XRN1: variants seen among roughly 807,000 people sequenced by gnomAD.
The protein encoded by XRN1 is 5'-3' exoribonuclease 1.
In XRN1, 67 loss-of-function variants were observed where a neutral mutation model predicts 222.3. The ratio of observed to expected loss-of-function variants is 0.30; its 90% CI spans 0.25 to 0.37. The LOEUF (loss-of-function observed/expected upper bound fraction) is 0.37. Among genes scored for constraint, XRN1 ranks in the 10% least tolerant of loss-of-function variants. The pLI, the probability that XRN1 is intolerant of heterozygous loss-of-function variation, is 1.00. For missense variants in XRN1, 1,707 were observed against 2,000.2 expected, an observed-to-expected ratio of 0.85 and a Z score of 2.80; for synonymous variants, 643 against 652.4, an observed-to-expected ratio of 0.99 and a Z score of 0.22.
intron 37 of XRN1, among the ~76,000 whole-genome samples, chr3:142,323,332 C>T (rs2065416280): frequency 1.3e-5 from 2 of 150,708 alleles, no homozygotes; most frequent in South Asian, 4.2e-4. Context: ...CTGTCATGCG[C>T]CACCATACCT....
intron 25 of XRN1, among the ~76,000 whole-genome samples, chr3:142,372,609 C>T (rs937264440): frequency 5.9e-5 from 9 of 152,132 alleles, no homozygotes; most frequent in African/African-American, 2.2e-4. Context: ...GGGAAAGTAA[C>T]CTTAGTTGAG....
rs980436997 is a variant in XRN1, at chr3:142,359,909, T to C, written c.3417A>G (p.Leu1139=). 7 of 1,604,370 alleles carry C rather than the reference T, an allele frequency of 4.4e-6. No individual in the cohort carries two copies. The highest frequency in any genetic ancestry group is 6.0e-6 in the Non-Finnish European group (7 of 1,174,846). The part of the protein sequence containing the change: ...IKGANREADV[L]FEVLFDEEFP... ...ATTCTTCATCAAATAATACTTCAAA[T>C]AGTACATCGGCTTCTCTATTAGCTG... The change falls in exon 30 of 41, where the codon CTA becomes CTG. Residue 1139 remains leucine (L), a synonymous_variant. Transcript: ENST00000392981.
At chr3:142,336,989 C>A (rs2065867751) in intron 33 of XRN1, among the ~76,000 whole-genome samples, 1 of 151,388 alleles carries the variant, frequency 6.6e-6, no homozygotes, top group Non-Finnish European at 1.5e-5. Flanking sequence ...CAAACTGAAC[C>A]AAAGTTAAAA....
At chr3:142,334,788 A>G (rs2065805325) in intron 34 of XRN1, among the ~76,000 whole-genome samples, 1 of 150,126 alleles carries the variant, frequency 6.7e-6, no homozygotes, top group African/African-American at 2.5e-5. Flanking sequence ...ACACACACAC[A>G]CACACACACA....
Position 142,324,474 on chromosome 3 carries a change from T to G in XRN1, c.4404+4960A>C, listed in dbSNP as rs959613084. 7.2e-5 allele frequency among the ~76,000 whole-genome samples: 11 copies of G among 152,210 alleles called. No homozygotes were observed. The East Asian group carries it at 2.1e-3, about 29-fold the overall frequency. ...TATTCCATGGTGTATATCTGCCACA[T>G]TTTCTTAATCCAGTCTATCGTTGTT... On this transcript the variant is annotated intron_variant, in intron 37 of 40. Transcript: ENST00000392981.
rs765149648 is a variant in XRN1, at chr3:142,356,929, G to A, written c.3655C>T (p.Leu1219Phe). Residue 1219 changes from leucine to phenylalanine, a missense_variant, in exon 31 of 41, where the codon CTT (leucine) becomes TTT (phenylalanine). Transcript: ENST00000392981. ...AGTCTTACTTGAGTAGGAACAAAAA[G>A]TGATTGAGGGGAATGGTTGAGGGCT... ...LGALNHSPQSLFVPTQVPTKD... is the reference protein window; with the variant it reads ...LGALNHSPQSFFVPTQVPTKD... 1.9e-6 allele frequency: 3 copies of A among 1,613,914 alleles called. No homozygotes were observed. The highest frequency in any genetic ancestry group is 2.7e-5 in the African/African-American group (2 of 74,932).
At chr3:142,392,417 C>T (rs548943987) in intron 20 of XRN1, among the ~76,000 whole-genome samples, 41 of 151,842 alleles carry the variant, frequency 2.7e-4, no homozygotes, top group African/African-American at 9.4e-4. Context: ...CATGCTGGTG[C>T]GTTGCACCCA....
At chr3:142,345,698 A>C (rs188073369) in intron 33 of XRN1, among the ~76,000 whole-genome samples, 20 of 152,348 alleles carry the variant, frequency 1.3e-4, no homozygotes, top group African/African-American at 4.8e-4. Flanking sequence ...ACTCTTACAA[A>C]CCAAGAAAAA....
At chr3:142,386,678 A>C (rs1379273524) in intron 20 of XRN1, among the ~76,000 whole-genome samples, 1 of 152,292 alleles carries the variant, frequency 6.6e-6, no homozygotes, top group South Asian at 2.1e-4. Context: ...AAAGGGCAAC[A>C]GACTTGAACA....
chr3:142,363,503 T>C (rs1156326313), intron 29 of XRN1, among the ~76,000 whole-genome samples: 4 of 152,314 alleles, frequency 2.6e-5, no homozygotes, highest in African/African-American at 9.6e-5. Context: ...TCCATTGATC[T>C]ATATGTCATC....
chr3:142,307,419 T>A lies in XRN1; in HGVS notation c.*4092A>T, dbSNP rs1390849202. ...TTAACTTTGTAAAAAAATGTATCTTTTGGAAACCATAGTCTCCTTCACAAA... is the reference window on the plus strand; with the variant it reads ...TTAACTTTGTAAAAAAATGTATCTTATGGAAACCATAGTCTCCTTCACAAA... On this transcript the variant is annotated 3_prime_UTR_variant, in exon 41 of 41. Transcript: ENST00000392981. 1 of 152,192 alleles carries A rather than the reference T, an allele frequency of 6.6e-6. No homozygotes were observed. Among genetic ancestry groups the A allele is most frequent in the Non-Finnish European group, 1.5e-5 (1 of 68,024 alleles). 9.4% of individuals were successfully genotyped at this position (152,192 alleles called of 1,614,324 possible). A position where few individuals can be genotyped will look rare whatever the true frequency, so the allele number is the denominator to read the frequency against.
At chr3:142,347,621 G>C (rs1227537955) in intron 32 of XRN1, among the ~76,000 whole-genome samples, 1 of 150,316 alleles carries the variant, frequency 6.7e-6, no homozygotes, top group African/African-American at 2.5e-5. Flanking sequence ...TTTTGAGACA[G>C]ATTCTTGCTC....
intron 20 of XRN1, among the ~76,000 whole-genome samples, chr3:142,396,629 A>G (rs2067944404): frequency 6.6e-6 from 1 of 152,180 alleles, no homozygotes; most frequent in African/African-American, 2.4e-5. Flanking sequence ...GAATAAGGAT[A>G]TTGTGGCCTG....
intron 23 of XRN1, among the ~76,000 whole-genome samples, chr3:142,379,331 TC>T (rs1453867913): frequency 2.0e-5 from 3 of 151,952 alleles, no homozygotes; most frequent in Admixed American, 2.0e-4. Context: ...TAATCTCTAA[TC>T]TAGGATTCTA....
Position 142,421,030 on chromosome 3 carries a change from TTTCC to T in XRN1, c.1155_1158del (p.Glu386ArgfsTer4), listed in dbSNP as rs1559869487. On this transcript the variant is annotated frameshift_variant, in exon 10 of 41. Transcript: ENST00000392981. LOFTEE classifies it high-confidence loss of function. ...AAAATAGACACCTTTAACTTTTTCT[TTTCC>T]TTGTAGTTCCTGGCTTCTTCTGCTG... 6.2e-7 allele frequency: 1 copy of T among 1,614,022 alleles called. No individual in the cohort carries two copies. The highest frequency in any genetic ancestry group is 2.2e-5 in the East Asian group (1 of 44,836).
chr3:142,411,882 C>T (rs986762444), intron 15 of XRN1, among the ~76,000 whole-genome samples: 3 of 147,058 alleles, frequency 2.0e-5, no homozygotes, highest in Non-Finnish European at 4.5e-5. Flanking sequence ...AGTGCAGTGG[C>T]GCGATCTCGG....
In XRN1 at chr3:142,337,727, G is replaced by A. The variant is rs2065889186; in HGVS notation, c.3878-2218C>T. ...AGAAAAGCCTGTAATATAATTTGGA[G>A]TATATAATAGGCAAGTGTTTATAAG... On this transcript the variant is annotated intron_variant, in intron 33 of 40. Transcript: ENST00000392981. Among the ~76,000 whole-genome samples the A allele has an allele frequency of 3.3e-5, 5 of 152,252 alleles. 1 individual carries two copies. The highest frequency in any genetic ancestry group is 3.3e-4 in the Admixed American group (5 of 15,290).
rs2065057030 is a variant in XRN1 at position 142,310,739 on chromosome 3, CATT to C, written c.*769_*771del. On this transcript the variant is annotated 3_prime_UTR_variant, in exon 41 of 41. Transcript: ENST00000392981. ...TTTTGTTAGAAGATTAATTTGTAAT[CATT>C]GTACCCTGTAGATTTTGAAACAATT... The C allele has an allele frequency of 6.6e-6, 1 of 152,566 alleles. No homozygotes were observed. The highest frequency in any genetic ancestry group is 2.4e-5 in the African/African-American group (1 of 41,436). 9.5% of individuals were successfully genotyped at this position (152,566 alleles called of 1,614,324 possible). A position where few individuals can be genotyped will look rare whatever the true frequency, so the allele number is the denominator to read the frequency against.
chr3:142,373,377 A>C (rs1190857348), intron 25 of XRN1, among the ~76,000 whole-genome samples: 2 of 152,116 alleles, frequency 1.3e-5, no homozygotes, highest in Non-Finnish European at 2.9e-5. Context: ...TTAAGATTGA[A>C]CTAAAAGGAT....
Sources: allele counts gnomAD v4.1 joint callset (sites outside exome capture counted in the v4.1 genomes callset), GRCh38; gene constraint gnomAD v4.1.1; transcripts MANE v1.5; gene names NCBI Gene and HGNC (gene_info 2026-07-23, HGNC 2026-07-21).